SLC16A7: variants seen among roughly 807,000 people sequenced by gnomAD.
SLC16A7 encodes solute carrier family 16 member 7, also known as monocarboxylate transporter 2.
Under a neutral mutation model 34.9 loss-of-function variants are expected in SLC16A7, and 33 were observed. The observed-to-expected ratio is 0.94, with a 90% CI of 0.72 to 1.26. SLC16A7 has a LOEUF of 1.26. Ranked by LOEUF, SLC16A7 falls within the 50% of genes most tolerant of loss-of-function variation. The probability of loss-of-function intolerance (pLI) is 0.00; values close to 1 mark genes in which losing one functional copy is unlikely to be tolerated. For synonymous variants in SLC16A7, 201 were observed against 206.6 expected (o/e 0.97, Z 0.23); for missense variants, 573 against 578.1 (o/e 0.99, Z 0.09).
chr12:59,661,401 C>A (rs1038232618), intron 2 of SLC16A7, among the ~76,000 whole-genome samples: 2 of 152,190 alleles, frequency 1.3e-5, no homozygotes, highest in Non-Finnish European at 2.9e-5. Flanking sequence ...GACTCTGAGA[C>A]TTTGAGCTGA....
chr12:59,661,970 C>T (rs1038689200), intron 2 of SLC16A7, among the ~76,000 whole-genome samples: 3 of 151,878 alleles, frequency 2.0e-5, no homozygotes, highest in Admixed American at 1.3e-4. Context: ...GTTAGTACTA[C>T]TCAGTGAATG....
At chr12:59,641,347 C>T (rs1880677199) in intron 1 of SLC16A7, among the ~76,000 whole-genome samples, 1 of 152,052 alleles carries the variant, frequency 6.6e-6, no homozygotes, top group African/African-American at 2.4e-5. Context: ...GCCAAATTCT[C>T]CAGAGTCTAT....
At chr12:59,744,950 C>G (rs1878734538) in intron 3 of SLC16A7, among the ~76,000 whole-genome samples, 1 of 152,172 alleles carries the variant, frequency 6.6e-6, no homozygotes, top group Non-Finnish European at 1.5e-5. Context: ...TGCCCATGTA[C>G]TCTAGATCCC....
Position 59,671,923 on chromosome 12 carries a change from A to G in SLC16A7, c.-31+16673A>G, listed in dbSNP as rs868065303. Among the ~76,000 whole-genome samples the G allele has an allele frequency of 1.1e-3, 59 of 54,622 alleles. 11 individuals are homozygous for G. The highest frequency in any genetic ancestry group is 5.3e-3 in the African/African-American group (57 of 10,852). 35.8% of individuals were successfully genotyped at this position (54,622 alleles called of 152,430 possible). A position where few individuals can be genotyped will look rare whatever the true frequency, so the allele number is the denominator to read the frequency against. On this transcript the variant is annotated intron_variant, in intron 2 of 5. Coordinates refer to ENST00000547379, the MANE Select transcript of SLC16A7 (RefSeq NM_001270623.2). ...TATATATACATATATGTATATATGT[A>G]TATATCCATATATGTATATATGTGT...
intron 3 of SLC16A7, among the ~76,000 whole-genome samples, chr12:59,737,832 C>A (rs1394240104): frequency 6.6e-6 from 1 of 152,094 alleles, no homozygotes; most frequent in Non-Finnish European, 1.5e-5. Context: ...CTTATACCAA[C>A]CCAACAAATG....
intron 3 of SLC16A7, among the ~76,000 whole-genome samples, chr12:59,758,051 C>A (rs1450881302): frequency 6.6e-6 from 1 of 151,910 alleles, no homozygotes; most frequent in African/African-American, 2.4e-5. Context: ...CACCCTTGAA[C>A]AACACAGGGT....
At chr12:59,720,236 C>T in intron 3 of SLC16A7, 1 of 513,876 alleles carries the variant, frequency 1.9e-6, no homozygotes, top group South Asian at 3.0e-5. Flanking sequence ...TTATAGTTGA[C>T]TAAAATTTAT....
intron 1 of SLC16A7, among the ~76,000 whole-genome samples, chr12:59,654,054 A>T (rs1185463165): frequency 6.6e-6 from 1 of 151,368 alleles, no homozygotes; most frequent in Non-Finnish European, 1.5e-5. Context: ...ATATATTCCA[A>T]TTTTTTTAAC....
intron 4 of SLC16A7, 36 bp from the exon 5 acceptor site, chr12:59,774,621 T>C: frequency 7.4e-7 from 1 of 1,345,314 alleles, no homozygotes; most frequent in Non-Finnish European, 1.0e-6. Context: ...CATAATGTGT[T>C]TGTGTTTTCC....
chr12:59,628,859 A>G (rs1024353821), intron 1 of SLC16A7, among the ~76,000 whole-genome samples: 3 of 151,814 alleles, frequency 2.0e-5, no homozygotes, highest in Non-Finnish European at 4.4e-5. Flanking sequence ...TTCTCAAAAG[A>G]CTTTTTAAAA....
At chr12:59,742,408 A>G (rs1769534791) in intron 3 of SLC16A7, among the ~76,000 whole-genome samples, 1 of 152,148 alleles carries the variant, frequency 6.6e-6, no homozygotes, top group South Asian at 2.1e-4. Context: ...TCAAACCACC[A>G]CCTAATATTC....
At chr12:59,759,472 T>G (rs2137380589) in intron 3 of SLC16A7, among the ~76,000 whole-genome samples, 1 of 152,166 alleles carries the variant, frequency 6.6e-6, no homozygotes, top group South Asian at 2.1e-4. Context: ...TTGTCGGTTA[T>G]TTGCCAGATA....
At chr12:59,599,906 C>G (rs1592375925) in intron 1 of SLC16A7, among the ~76,000 whole-genome samples, 1 of 152,180 alleles carries the variant, frequency 6.6e-6, no homozygotes, top group African/African-American at 2.4e-5. Context: ...GCTACATGGT[C>G]TTTGAGAGTA....
chr12:59,599,858 T>TA (rs1489323180), intron 1 of SLC16A7, among the ~76,000 whole-genome samples: 1 of 152,192 alleles, frequency 6.6e-6, no homozygotes, highest in Non-Finnish European at 1.5e-5. Flanking sequence ...TACCTTGAAT[T>TA]ACAATTATTT....
At chr12:59,752,756 G>A (rs1297379884) in intron 3 of SLC16A7, among the ~76,000 whole-genome samples, 12 of 152,098 alleles carry the variant, frequency 7.9e-5, no homozygotes, top group African/African-American at 2.7e-4. Context: ...TACAGAGAAC[G>A]CCACAAAGAT....
At chr12:59,628,652 GTGTGCGTGTGTGTGTGCA>G (rs1306516358) in intron 1 of SLC16A7, among the ~76,000 whole-genome samples, 3 of 151,596 alleles carry the variant, frequency 2.0e-5, no homozygotes, top group Non-Finnish European at 4.4e-5. Context: ...GTGTGTGTAA[GTGTGCGTGTGTGTGTGCA>G]TGTGCGTGTG....
At chr12:59,760,244 CTGTT>C (rs1038181042) in intron 3 of SLC16A7, among the ~76,000 whole-genome samples, 5 of 151,952 alleles carry the variant, frequency 3.3e-5, no homozygotes, top group African/African-American at 9.7e-5. Flanking sequence ...TTGGGAAAAA[CTGTT>C]TGAGAAAGAA....
At chr12:59,746,666 CA>C (rs1878926100) in intron 3 of SLC16A7, among the ~76,000 whole-genome samples, 2 of 152,192 alleles carry the variant, frequency 1.3e-5, no homozygotes, top group African/African-American at 4.8e-5. Flanking sequence ...GCTGTCCTCT[CA>C]TGCATCTGAA....
intron 2 of SLC16A7, among the ~76,000 whole-genome samples, chr12:59,698,180 A>G (rs1872530168): frequency 6.6e-6 from 1 of 151,792 alleles, no homozygotes. Flanking sequence ...TATTGAGATA[A>G]GAATCTAAAC....
Sources: gnomAD v4.1 joint callset for allele counts (sites outside exome capture counted in the v4.1 genomes callset) on GRCh38, gnomAD v4.1.1 for gene constraint, MANE v1.5 for transcripts, NCBI Gene and HGNC (gene_info 2026-07-23, HGNC 2026-07-21) for gene names.